HTT: variants seen among roughly 807,000 people sequenced by gnomAD.
HTT encodes the protein huntington disease protein.
HTT carries 104 observed loss-of-function variants against 362.3 expected under a neutral mutation model. The ratio of observed to expected loss-of-function variants is 0.29; its 90% confidence interval spans 0.24 to 0.34. The LOEUF (loss-of-function observed/expected upper bound fraction) is 0.34, where lower values mean the gene tolerates loss of function less well. Ranked by LOEUF, HTT falls within the 10% of genes least tolerant of loss-of-function variation. HTT has a pLI of 1.00. For synonymous variants in HTT, 1,577 were observed against 1,548.7 expected (o/e 1.02, Z -0.43); for missense variants, 3,301 against 3,928.6 (o/e 0.84, Z 4.27).
chr4:3,220,732 G>A (rs1201577404), intron 53 of HTT, among the ~76,000 whole-genome samples: 1 of 152,156 alleles, frequency 6.6e-6, no homozygotes, highest in East Asian at 1.9e-4. Context: ...AGCAGATGGA[G>A]TCAGGTTTCT....
chr4:3,120,635 ATG>A (rs1325988296), intron 8 of HTT, among the ~76,000 whole-genome samples: 1 of 152,204 alleles, frequency 6.6e-6, no homozygotes, highest in African/African-American at 2.4e-5. Flanking sequence ...TGAACTGCAC[ATG>A]TGAGGGGTCT....
rs1216376830 is a variant in HTT, at chr4:3,174,990, A to G, written c.4290A>G (p.Ile1430Met). The change falls in exon 33 of 67, where the codon ATA becomes ATG. Residue 1430 changes from isoleucine (I) to methionine (M), a missense_variant. By Grantham distance (10) the Ile-to-Met change is conservative (BLOSUM62 1). Coordinates refer to ENST00000355072, the MANE Select transcript of HTT (RefSeq NM_001388492.1). ...TTCGTTTGTTTGAACCTCTTGTTAT[A>G]AAAGCTTTAAAACAGTACACGACTA... ...NHIRLFEPLV[I>M]KALKQYTTTT... The G allele has an allele frequency of 6.2e-7, 1 of 1,610,280 alleles. No individual in the cohort carries two copies. Among genetic ancestry groups the G allele is most frequent in the Non-Finnish European group, 8.5e-7 (1 of 1,177,348 alleles).
At chr4:3,209,304 T>C (rs1016149170) in intron 46 of HTT, among the ~76,000 whole-genome samples, 4 of 152,226 alleles carry the variant, frequency 2.6e-5, no homozygotes, top group Admixed American at 6.5e-5. Flanking sequence ...GCACCTCCAC[T>C]GCTCATACCT....
At position 3,206,174 on chromosome 4, in the gene HTT, C is replaced by T. The variant is rs1013146942; in HGVS notation, c.5719-322C>T. Among the ~76,000 whole-genome samples, 1 of 152,354 alleles carries T rather than the reference C, an allele frequency of 6.6e-6. No homozygotes were observed. Among genetic ancestry groups the T allele is most frequent in the Admixed American group, 6.5e-5 (1 of 15,308 alleles). On this transcript the variant is annotated intron_variant, in intron 42 of 66. Coordinates refer to ENST00000355072, the MANE Select transcript of HTT (RefSeq NM_001388492.1). This position sits in a 1 kb window ranked among gnomAD's most constrained non-coding sequence, Gnocchi z 4.6. Reference sequence around the variant, plus strand: ...AGCGCAACGCTGCCCCTGCTACCTGCGGATCTCGCTGAGGCCTGCCTTTGT... The same window carrying T: ...AGCGCAACGCTGCCCCTGCTACCTGTGGATCTCGCTGAGGCCTGCCTTTGT...
intron 6 of HTT, among the ~76,000 whole-genome samples, chr4:3,113,974 G>T (rs1714895168): frequency 6.6e-6 from 1 of 152,168 alleles, no homozygotes; most frequent in African/African-American, 2.4e-5. Flanking sequence ...ATATAGAGGT[G>T]TGAAGTGGGA....
intron 64 of HTT, among the ~76,000 whole-genome samples, chr4:3,237,366 G>A (rs577532601): frequency 6.6e-6 from 1 of 152,290 alleles, no homozygotes; most frequent in South Asian, 2.1e-4. Context: ...GAGCCACTGC[G>A]CCCGGCCCCC....
At position 3,215,119 on chromosome 4, in the gene HTT, A is replaced by T. The variant is rs200857448; in HGVS notation, c.6962A>T (p.Gln2321Leu). 3 of 1,613,654 alleles carry T rather than the reference A, an allele frequency of 1.9e-6. No individual in the cohort carries two copies. Among genetic ancestry groups the T allele is most frequent in the Non-Finnish European group, 2.5e-6 (3 of 1,179,542 alleles). ...VHFILEAVAV[Q>L]PGEQLLSPER... ...TCTGTTGTAATTTTAGTTGCAGTGC[A>T]GCCTGGAGAGCAGCTTCTTAGTCCA... Residue 2321 changes from glutamine (Q) to leucine (L), a missense_variant, in exon 51 of 67, where the codon CAG becomes CTG. Physicochemically the swap from Gln to Leu is moderately radical, Grantham distance 113 (BLOSUM62 -2). Around this residue, in one of 4 missense-constraint regions of HTT, gnomAD observed 220 missense variants for 218.5 expected, o/e 1.01. Transcript: ENST00000355072.
intron 35 of HTT, among the ~76,000 whole-genome samples, chr4:3,179,217 G>A (rs1323360956): frequency 6.6e-6 from 1 of 152,152 alleles, no homozygotes; most frequent in Non-Finnish European, 1.5e-5. Flanking sequence ...GCAGGGCCTT[G>A]GCTGACCTCT....
chr4:3,182,053 G>A (rs139591567), intron 36 of HTT, among the ~76,000 whole-genome samples: 1 of 152,330 alleles, frequency 6.6e-6, no homozygotes, highest in African/African-American at 2.4e-5. Flanking sequence ...TTCATGTTGT[G>A]CCTTTTCTCT....
chr4:3,212,689 T>C lies in HTT; in HGVS notation c.6754T>C (p.Phe2252Leu). 1 of 1,614,180 alleles carries C rather than the reference T, an allele frequency of 6.2e-7. No individual in the cohort carries two copies. The highest frequency in any genetic ancestry group is 8.5e-7 in the Non-Finnish European group (1 of 1,180,032). ...PPEKEKDIVK[F>L]VVATLEALSW... ...TGAGAAAGAGAAGGACATTGTGAAATTCGTGGTGGCAACCCTTGAGGTAAG... is the reference window on the plus strand; with the variant it reads ...TGAGAAAGAGAAGGACATTGTGAAACTCGTGGTGGCAACCCTTGAGGTAAG... Residue 2252 changes from phenylalanine to leucine, a missense_variant, in exon 49 of 67, where the codon TTC becomes CTC. Transcript: ENST00000355072.
rs1714373016 is a variant in HTT at position 3,105,370 on chromosome 4, G to A, written c.542G>A (p.Arg181Gln). Residue 181 changes from arginine (R) to glutamine (Q), a missense_variant, in exon 5 of 67, where the codon CGG becomes CAG. Physicochemically the swap from Arg to Gln is conservative, Grantham distance 43. Around this residue, in one of 4 missense-constraint regions of HTT, gnomAD observed 2,316 missense variants for 2,658.5 expected, o/e 0.87. Coordinates refer to ENST00000355072, the MANE Select transcript of HTT (RefSeq NM_001388492.1). Reference protein sequence around the residue: ...YKEIKKNGAPRSLRAALWRFA... With the variant: ...YKEIKKNGAPQSLRAALWRFA... ...GCACCCCCTCAGAATGGTGCCCCTC[G>A]GAGTTTGCGTGCTGCCCTGTGGAGG... is the stretch of plus-strand genomic sequence containing the variant. 2 of 1,613,634 alleles carry A rather than the reference G, an allele frequency of 1.2e-6. No individual in the cohort carries two copies. The highest frequency in any genetic ancestry group is 1.7e-6 in the Non-Finnish European group (2 of 1,179,588).
Position 3,223,662 on chromosome 4 carries a change from A to T in HTT, c.7625+102A>T, listed in dbSNP as rs82333. The T allele has an allele frequency of 2.8e-6, 3 of 1,081,974 alleles. No homozygotes were observed. The East Asian group carries it at 7.3e-5, about 26-fold the overall frequency. 67.0% of individuals were successfully genotyped at this position (1,081,974 alleles called of 1,614,324 possible). ...AGCTTCAACCAGGCCGTTTTCCTTC[A>T]TTGCTAGAATTGAAAACACCGTCCG... is the stretch of plus-strand genomic sequence containing the variant. On this transcript the variant is annotated intron_variant, in intron 55 of 66. Coordinates refer to ENST00000355072, the MANE Select transcript of HTT (RefSeq NM_001388492.1).
intron 61 of HTT, among the ~76,000 whole-genome samples, chr4:3,234,974 G>A (rs1325203610): frequency 1.3e-5 from 2 of 152,194 alleles, no homozygotes; most frequent in African/African-American, 4.8e-5. Flanking sequence ...GGGAATCTAG[G>A]GCCTCGTTGA....
intron 49 of HTT, 113 bp from the exon 50 acceptor site, chr4:3,213,845 A>G (rs1056183076): frequency 1.6e-5 from 14 of 902,454 alleles, no homozygotes; most frequent in Middle Eastern, 3.7e-4. Context: ...GGGCAAGGGC[A>G]CCTGGACGCG....
At chr4:3,097,540 G>A (rs554369731) in intron 2 of HTT, among the ~76,000 whole-genome samples, 1 of 152,360 alleles carries the variant, frequency 6.6e-6, no homozygotes, top group South Asian at 2.1e-4. Flanking sequence ...GCTGAGGCAG[G>A]AGAATTGCTT....
chr4:3,217,024 CAAA>C (rs776607099), intron 51 of HTT, among the ~76,000 whole-genome samples: 1 of 124,102 alleles, frequency 8.1e-6, no homozygotes, highest in Non-Finnish European at 1.7e-5. Flanking sequence ...GACTCCGTCT[CAAA>C]AAAAAAAAAA....
At chr4:3,229,183 GCA>G (rs1366846175) in intron 59 of HTT, among the ~76,000 whole-genome samples, 174 bp downstream of exon 59, 1 of 144,502 alleles carries the variant, frequency 6.9e-6, no homozygotes, top group African/African-American at 2.6e-5. Flanking sequence ...CATGCCACAT[GCA>G]CACACATACA....
chr4:3,115,034 G>C (rs1714947681), intron 6 of HTT, among the ~76,000 whole-genome samples: 1 of 152,054 alleles, frequency 6.6e-6, no homozygotes, highest in African/African-American at 2.4e-5. Context: ...AGTGTATCTA[G>C]AATTGAGGCC....
At position 3,196,308 on chromosome 4, in the gene HTT, G is replaced by A. The variant is rs181200795; in HGVS notation, c.5369-3424G>A. Among the ~76,000 whole-genome samples the A allele has an allele frequency of 1.1e-4, 16 of 152,292 alleles. No individual in the cohort carries two copies. The East Asian group carries it at 3.1e-3, about 29-fold the overall frequency. The stretch of plus-strand genomic sequence containing the variant: ...TTCCTCATAACATCCCAGCGGAACA[G>A]GGGACCTTCTATCCTGTCCCCAAGT... On this transcript the variant is annotated intron_variant, in intron 40 of 66. Transcript: ENST00000355072.
Sources: gnomAD v4.1 joint callset for allele counts (sites outside exome capture counted in the v4.1 genomes callset) on GRCh38, gnomAD v4.1.1 for gene constraint, gnomAD v4.1.1 regional missense constraint, Gnocchi (gnomAD v3.1) non-coding constraint, MANE v1.5 for transcripts, NCBI Gene and HGNC (gene_info 2026-07-23, HGNC 2026-07-21) for gene names.